Variants in PRRX1 observed in about 807,000 individuals in gnomAD.
The protein encoded by PRRX1 is paired related homeobox 1.
A neutral mutation model predicts 24.0 loss-of-function variants in PRRX1; 8 were observed. The ratio of observed to expected loss-of-function variants is 0.33; its 90% CI spans 0.20 to 0.60. The LOEUF is 0.60. Ranked by LOEUF, PRRX1 falls within the 20% of genes least tolerant of loss-of-function variation. PRRX1 has a pLI of 0.82. For synonymous variants in PRRX1, 160 were observed against 131.7 expected (o/e 1.22, Z -1.47); for missense variants, 281 against 322.4 (o/e 0.87, Z 0.98).
At chr1:170,704,108 C>T (rs1167826062) in intron 1 of PRRX1, among the ~76,000 whole-genome samples, 1 of 152,072 alleles carries the variant, frequency 6.6e-6, no homozygotes, top group Admixed American at 6.5e-5. Context: ...ATAAATATAA[C>T]TTTGCTTAGT....
intron 1 of PRRX1, among the ~76,000 whole-genome samples, chr1:170,683,900 C>A (rs1454870015): frequency 6.6e-6 from 1 of 152,120 alleles, no homozygotes; most frequent in Non-Finnish European, 1.5e-5. Context: ...TTTCTCCAAG[C>A]AAACAATGAA....
At chr1:170,725,989 T>G (rs982781564) in intron 2 of PRRX1, among the ~76,000 whole-genome samples, 2 of 152,202 alleles carry the variant, frequency 1.3e-5, no homozygotes, top group African/African-American at 4.8e-5. Flanking sequence ...ACCTGATTAC[T>G]GGAGAATTTC....
chr1:170,677,314 T>C (rs1308276715), intron 1 of PRRX1, among the ~76,000 whole-genome samples: 1 of 152,206 alleles, frequency 6.6e-6, no homozygotes, highest in Middle Eastern at 3.2e-3. Flanking sequence ...TTATTTGGAA[T>C]AATAAAATGA....
At chr1:170,678,131 T>G (rs1653384717) in intron 1 of PRRX1, among the ~76,000 whole-genome samples, 1 of 152,200 alleles carries the variant, frequency 6.6e-6, no homozygotes, top group Admixed American at 6.5e-5. Flanking sequence ...AAGTTGCCAT[T>G]CTTTTGCCAA....
At chr1:170,699,251 G>T (rs904643025) in intron 1 of PRRX1, among the ~76,000 whole-genome samples, 5 of 152,030 alleles carry the variant, frequency 3.3e-5, no homozygotes, top group Non-Finnish European at 7.4e-5. Context: ...AGCACATAAA[G>T]GACTTTTCTG....
intron 3 of PRRX1, among the ~76,000 whole-genome samples, chr1:170,734,236 T>C (rs1464429212): frequency 2.0e-5 from 3 of 151,994 alleles, no homozygotes; most frequent in African/African-American, 7.2e-5. Flanking sequence ...TTTTTTTTTT[T>C]TTTTTTAGAA....
In PRRX1 at chr1:170,736,088, C is replaced by T. The variant is rs140550541; in HGVS notation, c.640C>T (p.Pro214Ser). ...TYSATCANNS[P>S]AQGINMANSI... ...TTCTGCCACATGTGCCAACAATAGC[C>T]CTGCACAGGGCATCAACATGGCCAA... The change falls in exon 4 of 4, where the codon CCT becomes TCT. Residue 214 changes from proline to serine, a missense_variant. By Grantham distance (74) the Pro-to-Ser change is moderately conservative (BLOSUM62 -1). Coordinates refer to ENST00000239461, the MANE Select transcript of PRRX1 (RefSeq NM_022716.4). 4.4e-4 allele frequency: 709 copies of T among 1,614,098 alleles called. No homozygotes were observed. In the African/African-American group the frequency reaches 8.8e-3, roughly 20 times the overall value.
chr1:170,726,088 C>T (rs1415260795), intron 2 of PRRX1, 132 bp from the exon 3 acceptor site: 1 of 893,100 alleles, frequency 1.1e-6, no homozygotes, highest in Admixed American at 2.1e-5. Flanking sequence ...ACGGAGAATT[C>T]CATAGCCATC....
At chr1:170,690,052 G>C (rs1014060447) in intron 1 of PRRX1, among the ~76,000 whole-genome samples, 7 of 151,842 alleles carry the variant, frequency 4.6e-5, no homozygotes, top group Non-Finnish European at 5.9e-5. Context: ...AAATTCAAGA[G>C]CTGCCAGGTC....
intron 1 of PRRX1, among the ~76,000 whole-genome samples, chr1:170,681,180 A>G (rs538066735): frequency 1.3e-5 from 2 of 152,318 alleles, no homozygotes; most frequent in Admixed American, 1.3e-4. Flanking sequence ...AATTTTCACA[A>G]TAGTGCTGAG....
At chr1:170,717,701 A>G (rs1316032808) in intron 1 of PRRX1, among the ~76,000 whole-genome samples, 1 of 152,170 alleles carries the variant, frequency 6.6e-6, no homozygotes, top group African/African-American at 2.4e-5. Flanking sequence ...GACCTGAAGT[A>G]CGAGACAAAA....
chr1:170,672,197 A>G (rs1653165918), intron 1 of PRRX1, among the ~76,000 whole-genome samples: 1 of 152,204 alleles, frequency 6.6e-6, no homozygotes, highest in African/African-American at 2.4e-5. Context: ...CAAGAGACTC[A>G]CAGGACAGAT....
At chr1:170,677,668 T>C (rs552962827) in intron 1 of PRRX1, among the ~76,000 whole-genome samples, 1 of 152,358 alleles carries the variant, frequency 6.6e-6, no homozygotes, top group African/African-American at 2.4e-5. Flanking sequence ...CTCATAACTT[T>C]CAGTGATACT....
At chr1:170,668,705 GT>G (rs1355645650) in intron 1 of PRRX1, 1 of 152,216 alleles carries the variant, frequency 6.6e-6, no homozygotes, top group Non-Finnish European at 1.5e-5. Flanking sequence ...GCGCTCCCAA[GT>G]TGGAATTCTC....
Position 170,736,571 on chromosome 1 carries a change from T to C in PRRX1, c.*385T>C, listed in dbSNP as rs1280372082. On this transcript the variant is annotated 3_prime_UTR_variant, in exon 4 of 4. Transcript: ENST00000239461. ...ATATATATATATATATATATATATA[T>C]CCAGAATGATTGCCTCTACTGTCCT... 1.4e-5 allele frequency: 3 copies of C among 211,710 alleles called. No individual in the cohort carries two copies. The highest frequency in any genetic ancestry group is 2.9e-5 in the Non-Finnish European group (3 of 103,810). 13.1% of individuals were successfully genotyped at this position (211,710 alleles called of 1,614,324 possible).
chr1:170,669,894 G>T (rs1327340483), intron 1 of PRRX1, among the ~76,000 whole-genome samples: 1 of 152,180 alleles, frequency 6.6e-6, no homozygotes, highest in Non-Finnish European at 1.5e-5. Flanking sequence ...GAGTGTGTTT[G>T]TAGAGAAGGA....
intron 1 of PRRX1, among the ~76,000 whole-genome samples, chr1:170,688,440 C>T (rs538054300): frequency 6.6e-5 from 10 of 151,876 alleles, no homozygotes; most frequent in Admixed American, 3.3e-4. Flanking sequence ...TAGCTTTGTC[C>T]GGTATGTTTC....
At chr1:170,678,702 A>G (rs773638085) in intron 1 of PRRX1, among the ~76,000 whole-genome samples, 3 of 152,026 alleles carry the variant, frequency 2.0e-5, no homozygotes, top group Admixed American at 1.3e-4. Flanking sequence ...ATCTAGGAAG[A>G]TTTTCTTTTG....
At chr1:170,664,083 T>TCCTC (rs1652821278), upstream of PRRX1, 6 of 705,722 alleles carry the variant, frequency 8.5e-6, no homozygotes, top group Non-Finnish European at 1.2e-5. Context: ...CCCTCCCTCT[T>TCCTC]CCTCCCTCTC....
Sources: gnomAD v4.1 joint callset for allele counts (sites outside exome capture counted in the v4.1 genomes callset) on GRCh38, gnomAD v4.1.1 for gene constraint, MANE v1.5 for transcripts, NCBI Gene and HGNC (gene_info 2026-07-23, HGNC 2026-07-21) for gene names.